PABPC4L: variants seen among roughly 807,000 people sequenced by gnomAD.
PABPC4L encodes polyadenylate-binding protein 4-like.
For synonymous variants in PABPC4L, 169 were observed against 164.1 expected, an observed-to-expected ratio of 1.03 and a Z score of -0.23; for missense variants, 452 against 451.4, an observed-to-expected ratio of 1.00 and a Z score of -0.01.
the PABPC4L span, among the ~76,000 whole-genome samples, chr4:133,989,523 T>C: frequency 3.3e-5 from 5 of 152,202 alleles, no homozygotes; most frequent in East Asian, 1.9e-4. Context: ...ATTGTCCATA[T>C]GACTTTCAAC....
chr4:134,148,298 C>A, the PABPC4L span, among the ~76,000 whole-genome samples: 1 of 152,096 alleles, frequency 6.6e-6, no homozygotes, highest in Non-Finnish European at 1.5e-5. Context: ...TAATGTTATT[C>A]ATGGTATATC....
chr4:134,189,906 G>A, the PABPC4L span, among the ~76,000 whole-genome samples: 1 of 152,070 alleles, frequency 6.6e-6, no homozygotes, highest in Non-Finnish European at 1.5e-5. Context: ...CTTGAGGGTA[G>A]GCCTTATTAA....
At chr4:134,050,268 G>A in the PABPC4L span, among the ~76,000 whole-genome samples, 5 of 152,072 alleles carry the variant, frequency 3.3e-5, no homozygotes, top group East Asian at 1.9e-4. Flanking sequence ...TTTAATATAC[G>A]TATTGAACAA....
chr4:134,140,425 G>A, the PABPC4L span, among the ~76,000 whole-genome samples: 3 of 151,748 alleles, frequency 2.0e-5, no homozygotes, highest in Admixed American at 1.3e-4. Flanking sequence ...ATAAAGAATT[G>A]TTTTTTAAAT....
At chr4:134,165,131 A>C in the PABPC4L span, among the ~76,000 whole-genome samples, 1 of 152,136 alleles carries the variant, frequency 6.6e-6, no homozygotes, top group East Asian at 1.9e-4. Context: ...ACAAAAATCA[A>C]CTTAAGATGG....
the PABPC4L span, among the ~76,000 whole-genome samples, chr4:134,057,949 C>G: frequency 6.6e-6 from 1 of 151,950 alleles, no homozygotes; most frequent in African/African-American, 2.4e-5. Context: ...TAAAATAATT[C>G]TTATGAGAAA....
chr4:134,072,501 G>A, the PABPC4L span, among the ~76,000 whole-genome samples: 1 of 152,142 alleles, frequency 6.6e-6, no homozygotes, highest in African/African-American at 2.4e-5. Flanking sequence ...TTGTAGGTGT[G>A]TTTTCTCTAC....
the PABPC4L span, among the ~76,000 whole-genome samples, chr4:134,049,610 T>C: frequency 2.0e-5 from 3 of 152,188 alleles, no homozygotes; most frequent in East Asian, 5.8e-4. Flanking sequence ...ATCATGTAAC[T>C]GTTGAAAATA....
the PABPC4L span, among the ~76,000 whole-genome samples, chr4:133,992,660 T>A: frequency 6.6e-6 from 1 of 152,072 alleles, no homozygotes; most frequent in African/African-American, 2.4e-5. Flanking sequence ...ATCTAAGAGA[T>A]GAGGCCAATA....
At chr4:133,970,692 G>A in the PABPC4L span, among the ~76,000 whole-genome samples, 3 of 152,100 alleles carry the variant, frequency 2.0e-5, no homozygotes, top group Admixed American at 6.5e-5. Flanking sequence ...TAACCCTCAA[G>A]GTGGTAGTAT....
the PABPC4L span, among the ~76,000 whole-genome samples, chr4:134,118,270 G>A: frequency 6.6e-6 from 1 of 151,810 alleles, no homozygotes; most frequent in Non-Finnish European, 1.5e-5. Flanking sequence ...TCCTTGGAAA[G>A]TCATGGAACA....
chr4:133,996,253 C>T, the PABPC4L span, among the ~76,000 whole-genome samples: 4 of 152,090 alleles, frequency 2.6e-5, no homozygotes, highest in Non-Finnish European at 5.9e-5. Flanking sequence ...GCAGCCCTAA[C>T]TAAGGCCCAT....
chr4:134,162,631 T>C, the PABPC4L span, among the ~76,000 whole-genome samples: 1 of 152,098 alleles, frequency 6.6e-6, no homozygotes, highest in Admixed American at 6.5e-5. Flanking sequence ...GTCTGAATAA[T>C]TTTTTAAATA....
chr4:134,051,351 C>T, the PABPC4L span, among the ~76,000 whole-genome samples: 2 of 151,896 alleles, frequency 1.3e-5, no homozygotes, highest in Non-Finnish European at 2.9e-5. Flanking sequence ...AAGAGTCTAG[C>T]AAATTATACT....
the PABPC4L span, among the ~76,000 whole-genome samples, chr4:134,068,731 C>A: frequency 6.7e-6 from 1 of 148,416 alleles, no homozygotes. Flanking sequence ...TTTTTTTTGA[C>A]AGGGTCTCGC....
the PABPC4L span, among the ~76,000 whole-genome samples, chr4:134,070,875 C>T: frequency 1.3e-5 from 2 of 152,114 alleles, no homozygotes; most frequent in African/African-American, 2.4e-5. Flanking sequence ...TCAGACTGGC[C>T]TTGTCTCATG....
At chr4:133,984,248 G>A in the PABPC4L span, among the ~76,000 whole-genome samples, 1 of 151,770 alleles carries the variant, frequency 6.6e-6, no homozygotes, top group East Asian at 1.9e-4. Flanking sequence ...TTCTGTGAAG[G>A]GGTAAGTAGG....
At chr4:134,055,022 A>G in the PABPC4L span, among the ~76,000 whole-genome samples, 1 of 152,036 alleles carries the variant, frequency 6.6e-6, no homozygotes, top group Admixed American at 6.6e-5. Flanking sequence ...TTCTGAATAC[A>G]TGCTAGGGTT....
At chr4:134,021,916 T>A in the PABPC4L span, among the ~76,000 whole-genome samples, 1 of 152,122 alleles carries the variant, frequency 6.6e-6, no homozygotes, top group Non-Finnish European at 1.5e-5. Context: ...ATGAGCTTCA[T>A]GTAAAATAAG....
Sources: gnomAD v4.1 joint callset for allele counts (sites outside exome capture counted in the v4.1 genomes callset) on GRCh38, gnomAD v4.1.1 for gene constraint, MANE v1.5 for transcripts, NCBI Gene and HGNC (gene_info 2026-07-23, HGNC 2026-07-21) for gene names.